LRRC4C: variants seen among roughly 807,000 people sequenced by gnomAD.
The protein encoded by LRRC4C is leucine rich repeat containing 4C, also known as leucine-rich repeat-containing protein 4C.
In LRRC4C, 5 loss-of-function variants were observed where a neutral mutation model predicts 33.6. The observed-to-expected ratio is 0.15, with a 90% CI of 0.08 to 0.31. The LOEUF (loss-of-function observed/expected upper bound fraction) is 0.31. Among genes scored for constraint, LRRC4C ranks in the 10% least tolerant of loss-of-function variants. The pLI is 1.00. For missense variants in LRRC4C, 560 were observed against 796.7 expected (o/e 0.70, Z 3.58); for synonymous variants, 329 against 302.0 (o/e 1.09, Z -0.93).
intron 3 of LRRC4C, among the ~76,000 whole-genome samples, chr11:40,621,566 C>T (rs1962454480): frequency 6.6e-6 from 1 of 151,640 alleles, no homozygotes; most frequent in Admixed American, 6.6e-5. Context: ...TTGTCTGTAT[C>T]ATGAGATGCT....
intron 4 of LRRC4C, among the ~76,000 whole-genome samples, chr11:40,308,556 G>T (rs186714799): frequency 1.1e-4 from 17 of 152,076 alleles, no homozygotes; most frequent in Non-Finnish European, 1.9e-4. Flanking sequence ...TAATTATAAG[G>T]GTCCTTATAA....
chr11:40,793,319 C>G (rs1950702193), intron 2 of LRRC4C, among the ~76,000 whole-genome samples: 1 of 152,058 alleles, frequency 6.6e-6, no homozygotes, highest in African/African-American at 2.4e-5. Context: ...GATAAAAATT[C>G]TGTAAGCTTT....
intron 2 of LRRC4C, among the ~76,000 whole-genome samples, chr11:40,670,968 T>C (rs1329478329): frequency 6.6e-5 from 10 of 152,190 alleles, no homozygotes; most frequent in Non-Finnish European, 2.9e-5. Context: ...TTTCACCGTG[T>C]TAGCCAGGAT....
chr11:40,444,782 T>G (rs912978901), intron 3 of LRRC4C, among the ~76,000 whole-genome samples: 22 of 152,206 alleles, frequency 1.4e-4, no homozygotes, highest in African/African-American at 4.8e-4. Flanking sequence ...ATACAAGGAC[T>G]GTCAAATTCT....
chr11:41,357,074 T>C (rs1952188697), intron 1 of LRRC4C, among the ~76,000 whole-genome samples: 1 of 152,048 alleles, frequency 6.6e-6, no homozygotes. Flanking sequence ...CAGCATTTAT[T>C]TGCACCCTAC....
chr11:40,360,848 C>G (rs1489220367), intron 3 of LRRC4C, among the ~76,000 whole-genome samples: 2 of 152,062 alleles, frequency 1.3e-5, no homozygotes, highest in Admixed American at 1.3e-4. Flanking sequence ...TAAAAATTCT[C>G]AACAAAATAG....
chr11:41,260,112 A>G (rs1948930329), intron 1 of LRRC4C, among the ~76,000 whole-genome samples: 1 of 152,028 alleles, frequency 6.6e-6, no homozygotes, highest in Admixed American at 6.6e-5. Context: ...ACTTTTTCAT[A>G]GGGATATGCT....
intron 1 of LRRC4C, among the ~76,000 whole-genome samples, chr11:41,034,451 CA>C (rs1856915266): frequency 1.4e-5 from 2 of 147,646 alleles, no homozygotes; most frequent in Admixed American, 6.9e-5. Context: ...CACACACACA[CA>C]CACACCATAT....
intron 2 of LRRC4C, among the ~76,000 whole-genome samples, chr11:40,930,837 C>A (rs372736323): frequency 6.6e-6 from 1 of 152,084 alleles, no homozygotes; most frequent in Non-Finnish European, 1.5e-5. Context: ...AAATTAAATC[C>A]CCCAAACATT....
intron 2 of LRRC4C, among the ~76,000 whole-genome samples, chr11:40,855,150 G>T (rs2135780825): frequency 6.6e-6 from 1 of 152,238 alleles, no homozygotes. Context: ...TATTATGAAA[G>T]GAGATACTTC....
intron 2 of LRRC4C, among the ~76,000 whole-genome samples, chr11:40,908,872 A>T (rs1366153141): frequency 2.0e-5 from 3 of 152,186 alleles, no homozygotes; most frequent in African/African-American, 7.2e-5. Context: ...ATTCAATTCA[A>T]CAAACATTTA....
intron 1 of LRRC4C, among the ~76,000 whole-genome samples, chr11:41,392,575 A>ATCGTT (rs991072277): frequency 7.3e-5 from 11 of 150,692 alleles, no homozygotes; most frequent in African/African-American, 2.7e-4. Flanking sequence ...AAAAAAAAAC[A>ATCGTT]TCGTTACCTA....
At chr11:41,012,395 G>A (rs1043975322) in intron 1 of LRRC4C, among the ~76,000 whole-genome samples, 4 of 152,008 alleles carry the variant, frequency 2.6e-5, no homozygotes, top group African/African-American at 9.7e-5. Context: ...CATCCATGTT[G>A]CAGAAAATGA....
intron 2 of LRRC4C, among the ~76,000 whole-genome samples, chr11:40,909,905 T>C (rs10837525): frequency 0.13 from 19,383 of 152,202 alleles, 1,927 homozygotes; most frequent in African/African-American, 0.26. Context: ...ACACTTTTAG[T>C]GTCTTAGAAA....
chr11:40,697,427 T>G (rs956431516), intron 2 of LRRC4C, among the ~76,000 whole-genome samples: 1 of 152,190 alleles, frequency 6.6e-6, no homozygotes, highest in African/African-American at 2.4e-5. Context: ...AAGCACTTTT[T>G]GGATATACAT....
At chr11:40,796,105 C>G (rs1044183749) in intron 2 of LRRC4C, among the ~76,000 whole-genome samples, 4 of 152,058 alleles carry the variant, frequency 2.6e-5, no homozygotes, top group African/African-American at 9.7e-5. Flanking sequence ...GTATTATACC[C>G]AGGTTTTGGG....
chr11:41,410,368 A>T (rs1369504948), intron 1 of LRRC4C, among the ~76,000 whole-genome samples: 2 of 99,282 alleles, frequency 2.0e-5, no homozygotes, highest in African/African-American at 3.8e-5. Context: ...CCCTTTCAAA[A>T]GATTCCAAAG....
chr11:41,173,997 A>T (rs1945089358), intron 1 of LRRC4C, among the ~76,000 whole-genome samples: 1 of 152,140 alleles, frequency 6.6e-6, no homozygotes, highest in Non-Finnish European at 1.5e-5. Context: ...ATTGTGCATC[A>T]TGATGAGTGA....
intron 2 of LRRC4C, among the ~76,000 whole-genome samples, chr11:40,659,074 G>A (rs1412907197): frequency 6.6e-6 from 1 of 152,190 alleles, no homozygotes; most frequent in Non-Finnish European, 1.5e-5. Flanking sequence ...ACTCTTGGGG[G>A]CCCAGGAAGC....
Sources: gnomAD v4.1 joint callset for allele counts (sites outside exome capture counted in the v4.1 genomes callset) on GRCh38, gnomAD v4.1.1 for gene constraint, MANE v1.5 for transcripts, NCBI Gene and HGNC (gene_info 2026-07-23, HGNC 2026-07-21) for gene names.